The following LIFR variants were observed in gnomAD, a reference collection of about 807,000 sequenced individuals.
The protein encoded by LIFR is leukemia inhibitory factor receptor.
LIFR carries 84 observed loss-of-function variants against 122.2 expected under a neutral mutation model. That is an observed-to-expected ratio of 0.69 (90% CI 0.58 to 0.82). LIFR has a LOEUF of 0.82. Ranked by LOEUF, LIFR falls within the 40% of genes least tolerant of loss-of-function variation. The probability of loss-of-function intolerance (pLI) is 0.00; values close to 1 mark genes in which losing one functional copy is unlikely to be tolerated. For synonymous variants in LIFR, 422 were observed against 434.7 expected (o/e 0.97, Z 0.36); for missense variants, 1,294 against 1,311.6 (o/e 0.99, Z 0.21).
intron 5 of LIFR, among the ~76,000 whole-genome samples, chr5:38,519,361 G>A (rs1430651996): frequency 6.6e-6 from 1 of 152,092 alleles, no homozygotes; most frequent in Non-Finnish European, 1.5e-5. Flanking sequence ...TAGTATTTAT[G>A]GGATACATGT....
intron 1 of LIFR, among the ~76,000 whole-genome samples, chr5:38,577,525 C>G (rs536896332): frequency 6.6e-6 from 1 of 152,156 alleles, no homozygotes; most frequent in South Asian, 2.1e-4. Context: ...GCACACCCTC[C>G]TCTTCCTGCC....
upstream of LIFR, among the ~76,000 whole-genome samples, chr5:38,595,980 C>A (rs1372075371): frequency 6.6e-6 from 1 of 152,118 alleles, no homozygotes; most frequent in Non-Finnish European, 1.5e-5. Flanking sequence ...TCGTGATCCA[C>A]CTGCCTCGGC....
chr5:38,501,507 A>G lies in LIFR; in HGVS notation c.1600+1130T>C, dbSNP rs189031871. Among the ~76,000 whole-genome samples, 51 of 152,278 alleles carry G rather than the reference A, an allele frequency of 3.3e-4. No individual in the cohort carries two copies. In the East Asian group the frequency reaches 8.5e-3, roughly 25 times the overall value. Reference sequence around the variant, plus strand: ...AGTGGCTCACGCCTGTAATCCCAGTACTTTGGGAGGCCAAGGCAGGCACAT... The same window carrying G: ...AGTGGCTCACGCCTGTAATCCCAGTGCTTTGGGAGGCCAAGGCAGGCACAT... On this transcript the variant is annotated intron_variant, in intron 11 of 19. Coordinates refer to ENST00000453190, the MANE Select transcript of LIFR (RefSeq NM_001127671.2).
At chr5:38,527,966 G>T (rs189389918) in intron 3 of LIFR, among the ~76,000 whole-genome samples, 10 of 152,094 alleles carry the variant, frequency 6.6e-5, no homozygotes, top group Admixed American at 6.6e-4. Flanking sequence ...CAACTACCCA[G>T]CCCCAGCCTT....
At chr5:38,583,187 T>C (rs1749642796) in intron 1 of LIFR, among the ~76,000 whole-genome samples, 1 of 152,234 alleles carries the variant, frequency 6.6e-6, no homozygotes, top group South Asian at 2.1e-4. Context: ...GAGTTATAAA[T>C]TTCATGATCA....
At chr5:38,599,091 T>C (rs181883180), upstream of LIFR, among the ~76,000 whole-genome samples, 126 of 152,304 alleles carry the variant, frequency 8.3e-4, no homozygotes, top group African/African-American at 2.9e-3. Flanking sequence ...ATGAGCAGGC[T>C]TCCCCCAGGA....
At chr5:38,521,803 G>A (rs1210443504) in intron 5 of LIFR, among the ~76,000 whole-genome samples, 2 of 152,152 alleles carry the variant, frequency 1.3e-5, no homozygotes, top group African/African-American at 4.8e-5. Flanking sequence ...ATGTGCAGTA[G>A]GTGCCAGCTG....
chr5:38,521,189 T>G (rs1746379290), intron 5 of LIFR, among the ~76,000 whole-genome samples: 1 of 152,222 alleles, frequency 6.6e-6, no homozygotes, highest in Non-Finnish European at 1.5e-5. Flanking sequence ...TTTCTGTAGC[T>G]ATTGTAAATG....
At chr5:38,545,316 G>A (rs895590947) in intron 1 of LIFR, among the ~76,000 whole-genome samples, 2 of 151,826 alleles carry the variant, frequency 1.3e-5, no homozygotes, top group Admixed American at 6.6e-5. Flanking sequence ...ATGTACATAC[G>A]GTTTAACATA....
chr5:38,553,646 A>ATATATATAT (rs1554027608), intron 1 of LIFR, among the ~76,000 whole-genome samples: 3 of 96,500 alleles, frequency 3.1e-5, no homozygotes, highest in African/African-American at 4.7e-5. Context: ...ATATATATAT[A>ATATATATAT]TATATATATA....
chr5:38,600,814 C>T (rs1018462712), intron 2 of LIFR, among the ~76,000 whole-genome samples: 1 of 152,154 alleles, frequency 6.6e-6, no homozygotes, highest in Non-Finnish European at 1.5e-5. Flanking sequence ...ATGACTCAAG[C>T]CCTGATGTCT....
At position 38,493,776 on chromosome 5, in the gene LIFR, T is replaced by C; in HGVS notation, c.1895A>G (p.Lys632Arg). 1 of 1,613,930 alleles carries C rather than the reference T, an allele frequency of 6.2e-7. No homozygotes were observed. Among genetic ancestry groups the C allele is most frequent in the Non-Finnish European group, 8.5e-7 (1 of 1,179,774 alleles). ...ASMEIPNDDLKIEQVVGMGKG... is the reference protein window; with the variant it reads ...ASMEIPNDDLRIEQVVGMGKG... ...TCCCATCCCAACAACTTGTTCTATT[T>C]TGAGATCATCTTCAATAAGAAAGGA... Residue 632 changes from lysine to arginine, a missense_variant, in exon 14 of 20, where the codon AAA becomes AGA. By Grantham distance (26) the Lys-to-Arg change is conservative. Coordinates refer to ENST00000453190, the MANE Select transcript of LIFR (RefSeq NM_001127671.2).
chr5:38,511,510 A>G (rs1208241287), intron 6 of LIFR, among the ~76,000 whole-genome samples: 1 of 151,656 alleles, frequency 6.6e-6, no homozygotes, highest in East Asian at 1.9e-4. Flanking sequence ...TCTCAGTATC[A>G]TCTACACACA....
At chr5:38,525,403 G>A (rs1423911397) in intron 4 of LIFR, among the ~76,000 whole-genome samples, 2 of 152,190 alleles carry the variant, frequency 1.3e-5, no homozygotes, top group African/African-American at 4.8e-5. Flanking sequence ...GCCCAAAACT[G>A]CAGGACAGTG....
intron 16 of LIFR, 51 bp from the exon 17 acceptor site, chr5:38,486,031 G>T: frequency 6.5e-7 from 1 of 1,534,124 alleles, no homozygotes; most frequent in Non-Finnish European, 9.0e-7. Flanking sequence ...CGTTTCAAAT[G>T]CATGGTTACC....
At chr5:38,484,179 C>T (rs1000410614) in intron 18 of LIFR, among the ~76,000 whole-genome samples, 3 of 152,250 alleles carry the variant, frequency 2.0e-5, no homozygotes, top group Non-Finnish European at 1.5e-5. Context: ...CCGACCAGCT[C>T]GCAGGACGTA....
chr5:38,567,632 A>C (rs375493464), intron 1 of LIFR, among the ~76,000 whole-genome samples: 20 of 151,546 alleles, frequency 1.3e-4, no homozygotes, highest in African/African-American at 4.8e-4. Context: ...GGGTTCAAGC[A>C]ATTCTCCTAC....
At chr5:38,483,656 C>G (rs1435972114) in intron 18 of LIFR, among the ~76,000 whole-genome samples, 1 of 152,170 alleles carries the variant, frequency 6.6e-6, no homozygotes, top group African/African-American at 2.4e-5. Context: ...GTCTCGATCT[C>G]CTGACCTTGT....
At chr5:38,560,481 G>A (rs1042218473), upstream of LIFR, among the ~76,000 whole-genome samples, 1 of 152,076 alleles carries the variant, frequency 6.6e-6, no homozygotes, top group African/African-American at 2.4e-5. Context: ...ATTCTGTTTA[G>A]GATATTCTCT....
Sources: allele counts gnomAD v4.1 joint callset (sites outside exome capture counted in the v4.1 genomes callset), GRCh38; gene constraint gnomAD v4.1.1; transcripts MANE v1.5; gene names NCBI Gene and HGNC (gene_info 2026-07-23, HGNC 2026-07-21).